Variants in TMSB15B observed in about 807,000 individuals in gnomAD.
The protein encoded by TMSB15B is thymosin beta 15B.
intron 1 of TMSB15B, among the ~76,000 whole-genome samples, chrX:103,925,544 T>C (rs2074965840): frequency 8.9e-6 from 1 of 112,471 alleles, no homozygotes; most frequent in South Asian, 3.7e-4. Flanking sequence ...CTCTGACAGA[T>C]ATAGTATGGA....
At chrX:103,920,265 T>A (rs1399087724) in intron 1 of TMSB15B, among the ~76,000 whole-genome samples, 1 of 111,026 alleles carries the variant, frequency 9.0e-6, no homozygotes, top group Non-Finnish European at 1.9e-5. Flanking sequence ...CTAAAGTGAG[T>A]AAAAAGTGGG....
At chrX:103,926,711 C>G (rs782164545) in intron 1 of TMSB15B, among the ~76,000 whole-genome samples, 1 of 110,744 alleles carries the variant, frequency 9.0e-6, no homozygotes, top group South Asian at 4.0e-4. Context: ...TGATCCTGGA[C>G]TCTGTGGTCC....
At chrX:103,930,007 A>G (rs1394770311) in intron 1 of TMSB15B, among the ~76,000 whole-genome samples, 24 of 110,856 alleles carry the variant, frequency 2.2e-4, no homozygotes, top group African/African-American at 7.5e-4. Flanking sequence ...TCCTAATGCT[A>G]TCCCTAATAA....
chrX:103,945,946 C>A (rs782316414), intron 1 of TMSB15B, among the ~76,000 whole-genome samples: 4 of 111,913 alleles, frequency 3.6e-5, no homozygotes, highest in Non-Finnish European at 5.6e-5. Flanking sequence ...TGAGATTGTA[C>A]TAAAGGAAAT....
At chrX:103,936,416 G>A (rs1328970637) in intron 1 of TMSB15B, among the ~76,000 whole-genome samples, 1 of 111,744 alleles carries the variant, frequency 8.9e-6, no homozygotes, top group Non-Finnish European at 1.9e-5. Context: ...TGTAGCAATT[G>A]TGAATGGGAG....
chrX:103,951,721 C>T (rs782105637), intron 1 of TMSB15B, among the ~76,000 whole-genome samples: 7 of 110,427 alleles, frequency 6.3e-5, no homozygotes, highest in Admixed American at 4.8e-4. Context: ...TATATGTAGA[C>T]GAGTGGTTGT....
At chrX:103,939,238 G>A (rs868984942) in intron 1 of TMSB15B, among the ~76,000 whole-genome samples, 1 of 111,094 alleles carries the variant, frequency 9.0e-6, no homozygotes, top group Non-Finnish European at 1.9e-5. Flanking sequence ...GGATATTATC[G>A]TGAAGTGTGT....
chrX:103,942,959 A>G (rs1301307658), intron 1 of TMSB15B, among the ~76,000 whole-genome samples: 20 of 111,605 alleles, frequency 1.8e-4, no homozygotes, highest in African/African-American at 6.5e-4. Context: ...AGTATAACAT[A>G]TGTTGATTAA....
rs1474285878 is a variant in TMSB15B at position 103,925,323 on chromosome X, G to A, written c.-721+6031G>A. Among the ~76,000 whole-genome samples the A allele has an allele frequency of 8.0e-5, 9 of 112,163 alleles. No homozygotes were observed. The East Asian group carries it at 2.2e-3, about 28-fold the overall frequency. On this transcript the variant is annotated intron_variant, in intron 1 of 3. Transcript: ENST00000419165. ...CTTTCCAAAGCCTGGCATCTTAATA[G>A]AAAATACTTTGGAGAAACTTGATCT...
At chrX:103,940,174 C>G (rs1365236033) in intron 1 of TMSB15B, among the ~76,000 whole-genome samples, 3 of 112,363 alleles carry the variant, frequency 2.7e-5, no homozygotes, top group Admixed American at 9.4e-5. Context: ...CTTAGCAGAG[C>G]TAGAGCACTG....
chrX:103,945,022 C>A (rs1458730060), intron 1 of TMSB15B, among the ~76,000 whole-genome samples: 8 of 112,347 alleles, frequency 7.1e-5, no homozygotes, highest in African/African-American at 2.6e-4. Context: ...AGGAGATCCA[C>A]CAGCCTCGGC....
intron 1 of TMSB15B, chrX:103,919,489 T>A (rs1353444619): frequency 8.9e-6 from 1 of 112,062 alleles, no homozygotes; most frequent in Admixed American, 9.4e-5. Flanking sequence ...GATGCGCCTG[T>A]CTCCTTTCTT....
intron 1 of TMSB15B, among the ~76,000 whole-genome samples, chrX:103,954,295 A>T (rs1469342534): frequency 2.7e-5 from 3 of 111,917 alleles, no homozygotes; most frequent in Non-Finnish European, 5.6e-5. Context: ...GGCTGGTCAG[A>T]CCTGAGCACT....
At chrX:103,925,576 C>T (rs2074966038) in intron 1 of TMSB15B, among the ~76,000 whole-genome samples, 1 of 111,864 alleles carries the variant, frequency 8.9e-6, no homozygotes, top group Admixed American at 9.5e-5. Context: ...ATTATTTTGC[C>T]CTTTCTGCTC....
intron 1 of TMSB15B, among the ~76,000 whole-genome samples, chrX:103,935,843 G>GTTT (rs1165751386): frequency 5.5e-4 from 44 of 80,133 alleles, no homozygotes; most frequent in East Asian, 8.0e-4. Flanking sequence ...CATAGGAGTT[G>GTTT]TTTTTTTTTT....
chrX:103,953,735 C>T (rs1455446260), intron 1 of TMSB15B, among the ~76,000 whole-genome samples: 1 of 112,157 alleles, frequency 8.9e-6, no homozygotes, highest in African/African-American at 3.2e-5. Flanking sequence ...AGGGACCTCC[C>T]AACCGGGGCC....
At chrX:103,954,090 C>T (rs2075045482) in intron 1 of TMSB15B, among the ~76,000 whole-genome samples, 1 of 111,829 alleles carries the variant, frequency 8.9e-6, no homozygotes, top group African/African-American at 3.3e-5. Context: ...GGTGTGGAGC[C>T]CCCAGGAGAC....
At chrX:103,937,862 C>T (rs1308039109) in intron 1 of TMSB15B, among the ~76,000 whole-genome samples, 5 of 111,648 alleles carry the variant, frequency 4.5e-5, no homozygotes, top group South Asian at 3.8e-4. Flanking sequence ...GATTCTGGTA[C>T]GTTTTGTCTT....
chrX:103,921,561 G>C (rs1362488902), intron 1 of TMSB15B, among the ~76,000 whole-genome samples: 10 of 111,878 alleles, frequency 8.9e-5, no homozygotes, highest in African/African-American at 3.3e-4. Flanking sequence ...GGGATGGGGG[G>C]AGTATTTGCA....
Sources: gnomAD v4.1 joint callset for allele counts (sites outside exome capture counted in the v4.1 genomes callset) on GRCh38, gnomAD v4.1.1 for gene constraint, MANE v1.5 for transcripts, NCBI Gene and HGNC (gene_info 2026-07-23, HGNC 2026-07-21) for gene names.